Variants in ROBO2 observed in about 807,000 individuals in gnomAD.
The protein encoded by ROBO2 is roundabout homolog 2.
A neutral mutation model predicts 160.8 loss-of-function variants in ROBO2; 53 were observed. The ratio of observed to expected loss-of-function variants is 0.33; its 90% CI spans 0.26 to 0.41. The LOEUF is 0.41. ROBO2 is among the 10% of genes least tolerant of loss of function. The pLI is 1.00. For synonymous variants in ROBO2, 664 were observed against 611.7 expected (o/e 1.09, Z -1.26); for missense variants, 1,577 against 1,722.4 (o/e 0.92, Z 1.49).
chr3:76,146,216 A>G (rs1219240154), intron 2 of ROBO2, among the ~76,000 whole-genome samples: 1 of 152,016 alleles, frequency 6.6e-6, no homozygotes, highest in East Asian at 1.9e-4. Context: ...ACAATTACTC[A>G]ACAAAACTGA....
chr3:77,120,559 T>C (rs2074650586), intron 2 of ROBO2, among the ~76,000 whole-genome samples: 1 of 147,524 alleles, frequency 6.8e-6, no homozygotes, highest in Admixed American at 6.6e-5. Flanking sequence ...ATTCTGTGAA[T>C]TTAAGATTAG....
At chr3:76,726,941 T>C (rs763385228) in intron 2 of ROBO2, among the ~76,000 whole-genome samples, 6 of 152,216 alleles carry the variant, frequency 3.9e-5, no homozygotes, top group Non-Finnish European at 7.3e-5. Context: ...GGTTCCGATG[T>C]GTTATTACAA....
intron 4 of ROBO2, among the ~76,000 whole-genome samples, chr3:77,484,197 G>A (rs989007424): frequency 3.3e-5 from 5 of 151,992 alleles, no homozygotes; most frequent in African/African-American, 9.7e-5. Flanking sequence ...CAGTAGCACT[G>A]AAATCTGTGG....
intron 2 of ROBO2, among the ~76,000 whole-genome samples, chr3:76,697,423 C>T (rs957383096): frequency 1.3e-5 from 2 of 152,156 alleles, no homozygotes; most frequent in Admixed American, 6.5e-5. Context: ...GCAGGAGGAT[C>T]GCTTGAGTCC....
chr3:76,773,338 T>C (rs2062034247), intron 2 of ROBO2, among the ~76,000 whole-genome samples: 1 of 151,018 alleles, frequency 6.6e-6, no homozygotes, highest in Admixed American at 6.6e-5. Flanking sequence ...ATTTTTTTCT[T>C]GAAAACTTCT....
chr3:76,985,398 C>G (rs1415506218), intron 2 of ROBO2, among the ~76,000 whole-genome samples: 1 of 151,082 alleles, frequency 6.6e-6, no homozygotes, highest in Non-Finnish European at 1.5e-5. Flanking sequence ...CTGGCTAACA[C>G]GGTGAAACCC....
chr3:77,129,081 G>A (rs924777819), intron 2 of ROBO2, among the ~76,000 whole-genome samples: 1 of 151,432 alleles, frequency 6.6e-6, no homozygotes, highest in Admixed American at 6.6e-5. Context: ...TCTCCTTTTG[G>A]AGTGCTCTTT....
At chr3:76,026,351 T>A (rs1411713329) in intron 2 of ROBO2, among the ~76,000 whole-genome samples, 1 of 151,926 alleles carries the variant, frequency 6.6e-6, no homozygotes, top group Non-Finnish European at 1.5e-5. Context: ...GAAATTTCAT[T>A]GCTGCACTAA....
chr3:77,186,696 C>G (rs556292605), intron 2 of ROBO2, among the ~76,000 whole-genome samples: 1 of 151,612 alleles, frequency 6.6e-6, no homozygotes, highest in East Asian at 1.9e-4. Flanking sequence ...TCATTTTAGA[C>G]ATCAAAACTG....
chr3:76,424,219 C>T (rs565840694), intron 2 of ROBO2, among the ~76,000 whole-genome samples: 58 of 152,214 alleles, frequency 3.8e-4, no homozygotes, highest in African/African-American at 1.3e-3. Flanking sequence ...AATACTTATA[C>T]GTTTAAATTA....
At chr3:77,054,220 CT>C (rs1180570676) in intron 1 of ROBO2, among the ~76,000 whole-genome samples, 3 of 152,120 alleles carry the variant, frequency 2.0e-5, no homozygotes, top group African/African-American at 7.2e-5. Context: ...TTCATAAAGC[CT>C]TCCAAGAGAA....
At chr3:75,920,782 A>T (rs575609282) in intron 1 of ROBO2, among the ~76,000 whole-genome samples, 1 of 151,922 alleles carries the variant, frequency 6.6e-6, no homozygotes, top group Non-Finnish European at 1.5e-5. Flanking sequence ...CTACTACGTA[A>T]TGCCCTTTGT....
At chr3:76,884,604 A>G (rs2073696046) in intron 2 of ROBO2, among the ~76,000 whole-genome samples, 1 of 152,190 alleles carries the variant, frequency 6.6e-6, no homozygotes, top group Non-Finnish European at 1.5e-5. Context: ...ATCTAGGAAC[A>G]TAGTTGTCAG....
At chr3:76,960,228 AT>A (rs1471942238) in intron 2 of ROBO2, among the ~76,000 whole-genome samples, 1 of 151,816 alleles carries the variant, frequency 6.6e-6, no homozygotes, top group Non-Finnish European at 1.5e-5. Flanking sequence ...AGCTATAGTT[AT>A]TTTTAAACAT....
intron 2 of ROBO2, chr3:76,311,148 AG>A (rs2071563364): frequency 6.6e-6 from 1 of 152,212 alleles, no homozygotes; most frequent in African/African-American, 2.4e-5. Context: ...AGCTTGGCTC[AG>A]GGCTACATCA....
intron 16 of ROBO2, among the ~76,000 whole-genome samples, chr3:77,588,544 C>T (rs1402893827): frequency 1.3e-5 from 2 of 152,034 alleles, no homozygotes; most frequent in Non-Finnish European, 2.9e-5. Flanking sequence ...CACAAGAGGT[C>T]AGTGTTCTTA....
chr3:76,088,751 A>G (rs182210080), intron 2 of ROBO2, among the ~76,000 whole-genome samples: 1 of 152,210 alleles, frequency 6.6e-6, no homozygotes, highest in Non-Finnish European at 1.5e-5. Context: ...CATCGAATGA[A>G]TGTGTTAGAA....
intron 2 of ROBO2, among the ~76,000 whole-genome samples, chr3:76,410,900 G>T (rs1235819773): frequency 1.3e-5 from 2 of 152,126 alleles, no homozygotes; most frequent in African/African-American, 4.8e-5. Flanking sequence ...GTAAGAAGTA[G>T]GATTTTGGTC....
At chr3:76,737,512 A>G (rs2093733438) in intron 2 of ROBO2, among the ~76,000 whole-genome samples, 1 of 152,216 alleles carries the variant, frequency 6.6e-6, no homozygotes, top group African/African-American at 2.4e-5. Context: ...CAAAAGGCCT[A>G]TTTAAGCTTT....
Sources: allele counts gnomAD v4.1 joint callset (sites outside exome capture counted in the v4.1 genomes callset), GRCh38; gene constraint gnomAD v4.1.1; transcripts MANE v1.5; gene names NCBI Gene and HGNC (gene_info 2026-07-23, HGNC 2026-07-21).